The following DISP3 variants were observed in gnomAD, a reference collection of about 807,000 sequenced individuals.
DISP3 encodes dispatched RND transporter family member 3.
A neutral mutation model predicts 135.3 loss-of-function variants in DISP3; 101 were observed. The ratio of observed to expected loss-of-function variants is 0.75; its 90% CI spans 0.64 to 0.88. The LOEUF is 0.88. Among genes scored for constraint, DISP3 ranks in the 40% least tolerant of loss-of-function variants. DISP3 has a pLI of 0.00. For missense variants in DISP3, 1,713 were observed against 1,878.6 expected, an observed-to-expected ratio of 0.91 and a Z score of 1.63; for synonymous variants, 856 against 817.0, an observed-to-expected ratio of 1.05 and a Z score of -0.81.
intron 10 of DISP3, among the ~76,000 whole-genome samples, chr1:11,521,861 T>TAAA: frequency 6.6e-6 from 1 of 152,068 alleles, no homozygotes; most frequent in South Asian, 2.1e-4. Flanking sequence ...TTTATTCTGA[T>TAAA]TGTCACTGGA....
chr1:11,502,868 C>T lies in DISP3; in HGVS notation c.1287C>T (p.Tyr429=), dbSNP rs758373719. 46 of 1,613,832 alleles carry T rather than the reference C, an allele frequency of 2.9e-5. No individual in the cohort carries two copies. The highest frequency in any genetic ancestry group is 3.6e-5 in the Non-Finnish European group (43 of 1,179,814). The stretch of plus-strand genomic sequence containing the variant: ...AGTTTCAGAGCTTCGTGGTCACCTA[C>T]GTGGCCATGCTGGCCAAGCAGTCTA... ...RAKFQSFVVT[Y]VAMLAKQSTS... Residue 429 remains tyrosine (Y), a synonymous_variant, in exon 3 of 21, where the codon TAC becomes TAT. Transcript: ENST00000294484.
In DISP3 at chr1:11,534,229, G is replaced by C. The variant is rs552655061; in HGVS notation, c.3376-152G>C. ...AACCACATGATGCCTCCAGAAGCTG[G>C]TGGGGACTCATTTTGGATTGAATCG... is the stretch of plus-strand genomic sequence containing the variant. On this transcript the variant is annotated intron_variant, in intron 17 of 20. Transcript: ENST00000294484. 6.3e-5 allele frequency: 56 copies of C among 888,636 alleles called. No homozygotes were observed. In the East Asian group the frequency reaches 1.4e-3, roughly 22 times the overall value. 55.0% of individuals were successfully genotyped at this position (888,636 alleles called of 1,614,324 possible).
chr1:11,524,124 C>T, intron 11 of DISP3, 69 bp downstream of exon 11: 3 of 1,201,638 alleles, frequency 2.5e-6, no homozygotes, highest in Non-Finnish European at 3.7e-6. Context: ...GTAAGGAGAG[C>T]AGATAAAATT....
rs752185569 is a variant in DISP3, at chr1:11,524,066, G to C, written c.2476+11G>C. The C allele has an allele frequency of 4.4e-6, 7 of 1,588,598 alleles. No individual in the cohort carries two copies. In the East Asian group the frequency reaches 8.9e-5, roughly 20 times the overall value. The stretch of plus-strand genomic sequence containing the variant: ...AGGCCACCCTGCAGGGTGAGCACTG[G>C]GGGTGGAGGGTGGGGAAATCCTCCC... On this transcript the variant is annotated intron_variant, in intron 11 of 20. Coordinates refer to ENST00000294484, the MANE Select transcript of DISP3 (RefSeq NM_020780.2).
At position 11,499,745 on chromosome 1, in the gene DISP3, CCTCTGT is replaced by C. The variant is rs1167715603; in HGVS notation, c.-3-1232_-3-1227del. Among the ~76,000 whole-genome samples, 3 of 152,108 alleles carry C rather than the reference CCTCTGT, an allele frequency of 2.0e-5. No individual in the cohort carries two copies. The highest frequency in any genetic ancestry group is 4.4e-5 in the Non-Finnish European group (3 of 68,024). On this transcript the variant is annotated intron_variant, in intron 1 of 20. Transcript: ENST00000294484. The surrounding 1 kb of genome is among the most constrained non-coding windows in gnomAD (Gnocchi z 5.2). ...CTCCCTTCGGTCTCTCTCCTCTTTT[CCTCTGT>C]CTCTGTCTCTGTTTCCCTCCTTCCG...
Position 11,536,243 on chromosome 1 carries a change from G to GC in DISP3, c.3817-81_3817-80insC. ...TAACAGAGCAGGAACCTGGCGTGGG[G>GC]TGGGGGTGCGTGATTCCCCAGGTGC... On this transcript the variant is annotated intron_variant, in intron 20 of 20. Transcript: ENST00000294484. This position sits in a 1 kb window ranked among gnomAD's most constrained non-coding sequence, Gnocchi z 4.3. The GC allele has an allele frequency of 6.6e-7, 1 of 1,509,790 alleles. No homozygotes were observed. Among genetic ancestry groups the GC allele is most frequent in the South Asian group, 1.3e-5 (1 of 76,608 alleles). 93.5% of individuals were successfully genotyped at this position (1,509,790 alleles called of 1,614,324 possible). A position where few individuals can be genotyped will look rare whatever the true frequency, so the allele number is the denominator to read the frequency against.
rs879161156 is a variant in DISP3, at chr1:11,525,329, G to C, written c.2613+17G>C. On this transcript the variant is annotated intron_variant, in intron 12 of 20. Coordinates refer to ENST00000294484, the MANE Select transcript of DISP3 (RefSeq NM_020780.2). The stretch of plus-strand genomic sequence containing the variant: ...TCCTTCCAGGTGAGCCTGGGCTGTC[G>C]TGAAGTGAGCCGCCACCACTGTGGG... 1 of 1,606,166 alleles carries C rather than the reference G, an allele frequency of 6.2e-7. No homozygotes were observed. Among genetic ancestry groups the C allele is most frequent in the Non-Finnish European group, 8.5e-7 (1 of 1,174,394 alleles).
Position 11,534,991 on chromosome 1 carries a change from G to C in DISP3, c.3536-20G>C, listed in dbSNP as rs776114231. The stretch of plus-strand genomic sequence containing the variant: ...GACCGCCCACACAGCAGCGCACTGA[G>C]GCCCTGTCCTCCCTTGCAGGGGTGC... On this transcript the variant is annotated intron_variant, in intron 18 of 20. Coordinates refer to ENST00000294484, the MANE Select transcript of DISP3 (RefSeq NM_020780.2). The C allele has an allele frequency of 7.7e-6, 12 of 1,555,886 alleles. No individual in the cohort carries two copies.
chr1:11,520,567 G>A lies in DISP3; in HGVS notation c.2201-120G>A, dbSNP rs1016378330. ...GGGCTGGCATGCAGGGCCTTCCCCC[G>A]CACCCTTAGGACACCCGCCCCCCAA... is the stretch of plus-strand genomic sequence containing the variant. On this transcript the variant is annotated intron_variant, in intron 9 of 20. Transcript: ENST00000294484. The surrounding 1 kb of genome is among the most constrained non-coding windows in gnomAD (Gnocchi z 4.8). 26 of 1,141,944 alleles carry A rather than the reference G, an allele frequency of 2.3e-5. No homozygotes were observed. The highest frequency in any genetic ancestry group is 2.8e-4 in the Middle Eastern group (1 of 3,626). The allele number at this position is 1,141,944 out of a possible 1,614,324, so 70.7% of individuals were successfully genotyped here. A position where few individuals can be genotyped will look rare whatever the true frequency, so the allele number is the denominator to read the frequency against.
At chr1:11,535,715 AC>A in intron 20 of DISP3, 71 bp downstream of exon 20, 1 of 1,535,924 alleles carries the variant, frequency 6.5e-7, no homozygotes, top group South Asian at 1.2e-5. Context: ...CAGCTGAGGG[AC>A]CCTCAAGGGC....
At chr1:11,522,922 A>C (rs140204417) in intron 10 of DISP3, among the ~76,000 whole-genome samples, 5,416 of 20,012 alleles carry the variant, frequency 0.27, 191 homozygotes, top group Non-Finnish European at 0.29. Flanking sequence ...AGGACCCAGC[A>C]AGGACCCAGC....
Position 11,516,356 on chromosome 1 carries a change from T to G in DISP3, c.1749+195T>G, listed in dbSNP as rs1365877220. Among the ~76,000 whole-genome samples, 1 of 152,168 alleles carries G rather than the reference T, an allele frequency of 6.6e-6. No homozygotes were observed. On this transcript the variant is annotated intron_variant, in intron 6 of 20. Transcript: ENST00000294484. This position sits in a 1 kb window ranked among gnomAD's most constrained non-coding sequence, Gnocchi z 5.1. ...TTAACAAGTGGGAATATTATAATAA[T>G]CCAGACAGCATGCATTAGGGATCCT...
chr1:11,480,677 G>GCGCACA (rs1270917269), intron 1 of DISP3, among the ~76,000 whole-genome samples: 10 of 142,632 alleles, frequency 7.0e-5, no homozygotes, highest in African/African-American at 2.4e-4. Flanking sequence ...GCGCGCGCGT[G>GCGCACA]CACACACACA....
chr1:11,522,868 A>G (rs868378416), intron 10 of DISP3, among the ~76,000 whole-genome samples: 3 of 97,736 alleles, frequency 3.1e-5, no homozygotes, highest in African/African-American at 8.3e-5. Context: ...GGACCCAGCC[A>G]GAGCCCAGCC....
chr1:11,500,968 T>C (rs756369819), intron 1 of DISP3, 22 bp from the exon 2 acceptor site: 10 of 1,612,346 alleles, frequency 6.2e-6, no homozygotes, highest in South Asian at 1.1e-5. Flanking sequence ...TCTAGCCTGC[T>C]GACCCTCTCC....
At chr1:11,489,221 C>T (rs1641117530) in intron 1 of DISP3, among the ~76,000 whole-genome samples, 2 of 152,240 alleles carry the variant, frequency 1.3e-5, no homozygotes, top group Admixed American at 1.3e-4. Context: ...CTCATGGCGG[C>T]CCCTCAGCAG....
chr1:11,523,636 A>C, intron 10 of DISP3, among the ~76,000 whole-genome samples: 1 of 136,734 alleles, frequency 7.3e-6, no homozygotes, highest in South Asian at 2.5e-4. Context: ...AGCAGGGGGC[A>C]GAGTGGCACA....
At chr1:11,497,623 C>T (rs529084346) in intron 1 of DISP3, among the ~76,000 whole-genome samples, 6 of 152,168 alleles carry the variant, frequency 3.9e-5, no homozygotes, top group East Asian at 1.9e-4. Flanking sequence ...CTCCTGACCT[C>T]GTGATCCGCC....
At chr1:11,507,968 G>A (rs1202182466) in intron 3 of DISP3, among the ~76,000 whole-genome samples, 1 of 152,186 alleles carries the variant, frequency 6.6e-6, no homozygotes, top group African/African-American at 2.4e-5. Context: ...CAACAAAGTA[G>A]ATAATCCAGA....
Sources: allele counts gnomAD v4.1 joint callset (sites outside exome capture counted in the v4.1 genomes callset), GRCh38; gene constraint gnomAD v4.1.1; non-coding constraint Gnocchi (gnomAD v3.1); transcripts MANE v1.5; gene names NCBI Gene and HGNC (gene_info 2026-07-23, HGNC 2026-07-21).